MIA3: variants seen among roughly 807,000 people sequenced by gnomAD.
MIA3 encodes MIA SH3 domain ER export factor 3.
In MIA3, 90 loss-of-function variants were observed where a neutral mutation model predicts 192.4. The observed-to-expected ratio is 0.47, with a 90% CI of 0.39 to 0.56. The LOEUF (loss-of-function observed/expected upper bound fraction) is 0.56, where lower values mean the gene tolerates loss of function less well. Among genes scored for constraint, MIA3 ranks in the 20% least tolerant of loss-of-function variants. MIA3 has a pLI of 0.00. For missense variants in MIA3, 2,123 were observed against 2,269.4 expected (o/e 0.94, Z 1.31); for synonymous variants, 740 against 792.8 (o/e 0.93, Z 1.12).
At chr1:222,625,337 T>C (rs918078770) in intron 3 of MIA3, among the ~76,000 whole-genome samples, 3 of 152,358 alleles carry the variant, frequency 2.0e-5, no homozygotes, top group Middle Eastern at 3.4e-3. Flanking sequence ...GGCTTTTCTT[T>C]GCTGCTTTAT....
In MIA3 at chr1:222,665,852, T is replaced by TAA. The variant is rs1298666521; in HGVS notation, c.*235_*236dup. On this transcript the variant is annotated 3_prime_UTR_variant, in exon 28 of 28. Transcript: ENST00000344922. Reference sequence around the variant, plus strand: ...GTCCTTACAACTTTGAAATGTGCAATAAAGAATACCTGTGTTTTAGCTAAT... The same window carrying TAA: ...GTCCTTACAACTTTGAAATGTGCAATAAAAAGAATACCTGTGTTTTAGCTAAT... 2 of 389,894 alleles carry TAA rather than the reference T, an allele frequency of 5.1e-6. No individual in the cohort carries two copies. Among genetic ancestry groups the TAA allele is most frequent in the Non-Finnish European group, 9.0e-6 (2 of 222,664 alleles). The allele number at this position is 389,894 out of a possible 1,614,324, so 24.2% of individuals were successfully genotyped here.
At chr1:222,659,307 G>C in intron 19 of MIA3, 146 bp from the exon 20 acceptor site, 1 of 676,634 alleles carries the variant, frequency 1.5e-6, no homozygotes, top group Non-Finnish European at 2.5e-6. Context: ...TTGTACTTTT[G>C]TTATAACCAA....
At chr1:222,620,585 A>G (rs1661810793) in intron 1 of MIA3, among the ~76,000 whole-genome samples, 1 of 152,234 alleles carries the variant, frequency 6.6e-6, no homozygotes, top group African/African-American at 2.4e-5. Flanking sequence ...GTACTAAGGG[A>G]ACAACTTGGC....
intron 6 of MIA3, among the ~76,000 whole-genome samples, chr1:222,636,656 G>C (rs1662638769): frequency 6.6e-6 from 1 of 152,004 alleles, no homozygotes; most frequent in East Asian, 1.9e-4. Context: ...GGGATTACAG[G>C]CACCCGCCAC....
intron 8 of MIA3, among the ~76,000 whole-genome samples, chr1:222,650,034 A>G (rs1440883128): frequency 6.6e-6 from 1 of 152,192 alleles, no homozygotes; most frequent in Admixed American, 6.5e-5. Context: ...GGATGGTGAT[A>G]AACCACTCAT....
Position 222,652,639 on chromosome 1 carries a change from A to C in MIA3, c.4086+307A>C, listed in dbSNP as rs1000134295. On this transcript the variant is annotated intron_variant, in intron 13 of 27. Coordinates refer to ENST00000344922, the MANE Select transcript of MIA3 (RefSeq NM_198551.4). The stretch of plus-strand genomic sequence containing the variant: ...GATTGGCTTTTTAGACCCAAGAGTT[A>C]GATATTTTATAACCCTCCTTTGAGT... 2.0e-5 allele frequency among the ~76,000 whole-genome samples: 3 copies of C among 152,182 alleles called. No individual in the cohort carries two copies. The South Asian group carries it at 6.2e-4, about 31-fold the overall frequency.
In MIA3 at chr1:222,654,793, A is replaced by G. The variant is rs1171668442; in HGVS notation, c.4607A>G (p.Lys1536Arg). 4 of 1,613,050 alleles carry G rather than the reference A, an allele frequency of 2.5e-6. No individual in the cohort carries two copies. The highest frequency in any genetic ancestry group is 2.2e-5 in the South Asian group (2 of 91,036). Residue 1536 changes from lysine to arginine, a missense_variant and splice_region_variant, in exon 18 of 28, where the codon AAG (lysine) becomes AGG (arginine). Physicochemically the swap from Lys to Arg is conservative, Grantham distance 26. Transcript: ENST00000344922. ...CAGCAGAAGGAGATGGCTTTGCAAA[A>G]GTAAGATTATCATCATTTACTGTTA... ...LYQQKEMALQKKLSQEEYERQ... is the reference protein window; with the variant it reads ...LYQQKEMALQRKLSQEEYERQ...
chr1:222,628,097 A>G lies in MIA3; in HGVS notation c.877A>G (p.Thr293Ala), dbSNP rs756750992. The G allele has an allele frequency of 4.3e-6, 7 of 1,613,946 alleles. No individual in the cohort carries two copies. In the South Asian group the frequency reaches 5.5e-5, roughly 13 times the overall value. Residue 293 changes from threonine to alanine, a missense_variant, in exon 4 of 28, where the codon ACC becomes GCC. By Grantham distance (58) the Thr-to-Ala change is moderately conservative. Transcript: ENST00000344922. Reference protein sequence around the residue: ...ADALVSDDETTRLVTSLEDDF... With the variant: ...ADALVSDDETARLVTSLEDDF... ...TGCACTTGTATCTGATGATGAGACA[A>G]CCAGACTCGTTACTTCATTAGAAGA...
At position 222,664,179 on chromosome 1, in the gene MIA3, T is replaced by G. The variant is rs375756991; in HGVS notation, c.5413+31T>G. The stretch of plus-strand genomic sequence containing the variant: ...ATGATCTGAACAGTAGTAATTGACT[T>G]GTAAAGCACATTCATCTTCTCCATC... On this transcript the variant is annotated intron_variant, in intron 27 of 27. Transcript: ENST00000344922. 2.5e-6 allele frequency: 4 copies of G among 1,611,156 alleles called. No homozygotes were observed. The African/African-American group carries it at 5.3e-5, about 22-fold the overall frequency.
rs1664265275 is a variant in MIA3, at chr1:222,666,020, T to C, written c.*401T>C. The C allele has an allele frequency of 6.4e-6, 1 of 155,200 alleles. No individual in the cohort carries two copies. Among genetic ancestry groups the C allele is most frequent in the Non-Finnish European group, 1.4e-5 (1 of 70,198 alleles). 9.6% of individuals were successfully genotyped at this position (155,200 alleles called of 1,614,324 possible). On this transcript the variant is annotated 3_prime_UTR_variant, in exon 28 of 28. Coordinates refer to ENST00000344922, the MANE Select transcript of MIA3 (RefSeq NM_198551.4). ...TACGGAGCAATGGTGTTTATAAGCG[T>C]TTTTTTAAACTATCTGGTCACAAAG...
rs1318548100 is a variant in MIA3, at chr1:222,659,224, T to G, written c.4710-229T>G. ...TATTTGAGAACATATTTAGGAACAG[T>G]TAAAGGAATTGTAATATATCAACTC... is the stretch of plus-strand genomic sequence containing the variant. On this transcript the variant is annotated intron_variant, in intron 19 of 27. Transcript: ENST00000344922. 7.5e-6 allele frequency: 4 copies of G among 533,314 alleles called. No individual in the cohort carries two copies. In the East Asian group the frequency reaches 1.3e-4, roughly 17 times the overall value. The allele number at this position is 533,314 out of a possible 1,614,324, so 33.0% of individuals were successfully genotyped here.
Position 222,662,054 on chromosome 1 carries a change from AG to A in MIA3, c.5114del. ...TAAGGACTCTGTTATTTCTTTCTCAAGGATCAGTGGACGGGCCTCTACCTCA... is the reference window on the plus strand; with the variant it reads ...TAAGGACTCTGTTATTTCTTTCTCAAGATCAGTGGACGGGCCTCTACCTCA... On this transcript the variant is annotated splice_acceptor_variant, in intron 24 of 27. Coordinates refer to ENST00000344922, the MANE Select transcript of MIA3 (RefSeq NM_198551.4). LOFTEE classifies it high-confidence loss of function. The A allele has an allele frequency of 1.2e-6, 2 of 1,612,626 alleles. No individual in the cohort carries two copies. Among genetic ancestry groups the A allele is most frequent in the Non-Finnish European group, 1.7e-6 (2 of 1,179,052 alleles).
intron 6 of MIA3, among the ~76,000 whole-genome samples, chr1:222,637,579 T>C (rs1662682566): frequency 6.6e-6 from 1 of 152,178 alleles, no homozygotes; most frequent in Non-Finnish European, 1.5e-5. Context: ...CGTGGCATTA[T>C]CAAATGATGC....
chr1:222,648,326 A>G (rs757598885), intron 7 of MIA3, among the ~76,000 whole-genome samples: 1 of 152,138 alleles, frequency 6.6e-6, no homozygotes, highest in Non-Finnish European at 1.5e-5. Context: ...TTTGAGTAGG[A>G]TTTCTGAGAT....
chr1:222,642,802 G>A (rs1329381632), intron 6 of MIA3, among the ~76,000 whole-genome samples: 1 of 152,186 alleles, frequency 6.6e-6, no homozygotes, highest in Non-Finnish European at 1.5e-5. Flanking sequence ...TGTATCATGA[G>A]TGAGGCAGAG....
At chr1:222,636,465 C>T (rs1467792824) in intron 6 of MIA3, among the ~76,000 whole-genome samples, 5 of 150,752 alleles carry the variant, frequency 3.3e-5, no homozygotes, top group Non-Finnish European at 1.5e-5. Flanking sequence ...GGAGAGACCT[C>T]CTTGCATATT....
chr1:222,629,671 A>G lies in MIA3; in HGVS notation c.2451A>G (p.Ala817=). Reference sequence around the variant, plus strand: ...TGGTGGAAAAAGAACGCCCTCTGGCAGATAAGAAAGCACAGAGACCATTTG... The same window carrying G: ...TGGTGGAAAAAGAACGCCCTCTGGCGGATAAGAAAGCACAGAGACCATTTG... ...NTMVEKERPL[A]DKKAQRPFER... Residue 817 remains alanine, a synonymous_variant, in exon 4 of 28, where the codon GCA becomes GCG. Coordinates refer to ENST00000344922, the MANE Select transcript of MIA3 (RefSeq NM_198551.4). The G allele has an allele frequency of 6.2e-7, 1 of 1,614,146 alleles. No individual in the cohort carries two copies. Among genetic ancestry groups the G allele is most frequent in the South Asian group, 1.1e-5 (1 of 91,080 alleles).
chr1:222,623,414 G>C (rs902232608), intron 2 of MIA3, among the ~76,000 whole-genome samples: 1 of 151,716 alleles, frequency 6.6e-6, no homozygotes, highest in Non-Finnish European at 1.5e-5. Context: ...CCTTTTTCCA[G>C]GTTCTCCCTT....
intron 4 of MIA3, among the ~76,000 whole-genome samples, chr1:222,631,677 A>C (rs1345110262): frequency 6.6e-6 from 1 of 152,198 alleles, no homozygotes; most frequent in Non-Finnish European, 1.5e-5. Context: ...TTAGGAGAGG[A>C]GATGGCTTCA....
Sources: gnomAD v4.1 joint callset for allele counts (sites outside exome capture counted in the v4.1 genomes callset) on GRCh38, gnomAD v4.1.1 for gene constraint, MANE v1.5 for transcripts, NCBI Gene and HGNC (gene_info 2026-07-23, HGNC 2026-07-21) for gene names.